GPR83: variants seen among roughly 807,000 people sequenced by gnomAD.
GPR83 encodes the protein G protein-coupled receptor 83, also known as G-protein coupled receptor 72.
A neutral mutation model predicts 28.0 loss-of-function variants in GPR83; 23 were observed. The ratio of observed to expected loss-of-function variants is 0.82; its 90% CI spans 0.59 to 1.16. The LOEUF (loss-of-function observed/expected upper bound fraction) is 1.16. Ranked by LOEUF, GPR83 falls within the 50% of genes most tolerant of loss-of-function variation. The pLI is 0.00. For synonymous variants in GPR83, 234 were observed against 215.4 expected (o/e 1.09, Z -0.76); for missense variants, 610 against 536.6 (o/e 1.14, Z -1.35).
chr11:94,384,285 C>G (rs976160986), intron 3 of GPR83, among the ~76,000 whole-genome samples: 1 of 152,168 alleles, frequency 6.6e-6, no homozygotes, highest in African/African-American at 2.4e-5. Flanking sequence ...ATTCAGCACC[C>G]TTTCATGCTA....
intron 3 of GPR83, among the ~76,000 whole-genome samples, chr11:94,389,281 A>G (rs1944790935): frequency 1.3e-5 from 2 of 152,230 alleles, no homozygotes; most frequent in South Asian, 4.1e-4. Flanking sequence ...CTTCATGTCT[A>G]AAACACCAAA....
At chr11:94,381,462 T>C (rs1017995971) in intron 3 of GPR83, among the ~76,000 whole-genome samples, 5 of 152,088 alleles carry the variant, frequency 3.3e-5, no homozygotes, top group Admixed American at 2.6e-4. Flanking sequence ...TTCATTTCAA[T>C]GTCCTAGAAT....
At chr11:94,381,795 A>T (rs1437766243) in intron 3 of GPR83, among the ~76,000 whole-genome samples, 1 of 152,172 alleles carries the variant, frequency 6.6e-6, no homozygotes, top group Admixed American at 6.5e-5. Flanking sequence ...GACCTGTAAT[A>T]AAAGACTGAG....
chr11:94,382,343 C>CAAAAAAAAAAA (rs57302833), intron 3 of GPR83, among the ~76,000 whole-genome samples: 1 of 67,302 alleles, frequency 1.5e-5, no homozygotes, highest in African/African-American at 6.3e-5. Flanking sequence ...AACACCATCT[C>CAAAAAAAAAAA]AAAAAAAAAA....
In GPR83 at chr11:94,385,720, G is replaced by C. The variant is rs186131412; in HGVS notation, c.648-4947C>G. 8.3e-4 allele frequency among the ~76,000 whole-genome samples: 127 copies of C among 152,346 alleles called. 2 individuals are homozygous for C. The highest frequency in any genetic ancestry group is 2.8e-3 in the African/African-American group (117 of 41,592). On this transcript the variant is annotated intron_variant, in intron 3 of 3. Transcript: ENST00000243673. ...ATGCGAAAAGACCAAATCTATGTCT[G>C]ATTGGTGTATCTGAAAGTGACGGGG...
chr11:94,388,470 CAA>C (rs1944781915), intron 3 of GPR83, among the ~76,000 whole-genome samples: 1 of 152,104 alleles, frequency 6.6e-6, no homozygotes, highest in African/African-American at 2.4e-5. Flanking sequence ...GCAACTTCAG[CAA>C]AGTCTCAGGA....
At chr11:94,400,485 CAA>C (rs1944901064) in intron 1 of GPR83, among the ~76,000 whole-genome samples, 1 of 120,828 alleles carries the variant, frequency 8.3e-6, no homozygotes, top group African/African-American at 3.3e-5. Context: ...GAGAGACTGA[CAA>C]GAAGAAAAAG....
intron 3 of GPR83, among the ~76,000 whole-genome samples, chr11:94,381,581 G>GCA (rs1944689690): frequency 9.4e-6 from 1 of 106,540 alleles, no homozygotes; most frequent in Admixed American, 9.9e-5. Flanking sequence ...GTGTGTGTGC[G>GCA]CGCGTGCTGC....
Position 94,400,896 on chromosome 11 carries a change from T to C in GPR83, c.352A>G (p.Ile118Val), listed in dbSNP as rs747704998. 2.5e-6 allele frequency: 4 copies of C among 1,614,046 alleles called. No individual in the cohort carries two copies. Among genetic ancestry groups the C allele is most frequent in the South Asian group, 1.1e-5 (1 of 91,084 alleles). ...GGGGTGTTGAGCAGCGTGATCATTA[T>C]GTCGGCAACTGCCAGGTTGACGATG... ...LFIVNLAVAD[I>V]MITLLNTPFT... Residue 118 changes from isoleucine (I) to valine (V), a missense_variant, in exon 1 of 4, where the codon ATA becomes GTA. Transcript: ENST00000243673.
Position 94,378,060 on chromosome 11 carries a change from G to A in GPR83, c.*2089C>T, listed in dbSNP as rs1186102599. 1 of 152,110 alleles carries A rather than the reference G, an allele frequency of 6.6e-6. No individual in the cohort carries two copies. The highest frequency in any genetic ancestry group is 1.5e-5 in the Non-Finnish European group (1 of 68,018). 9.4% of individuals were successfully genotyped at this position (152,110 alleles called of 1,614,324 possible). A position where few individuals can be genotyped will look rare whatever the true frequency, so the allele number is the denominator to read the frequency against. On this transcript the variant is annotated 3_prime_UTR_variant, in exon 4 of 4. Transcript: ENST00000243673. ...TCTTGACACACCACAGAGACAATAA[G>A]TACAGGCACATGAGCCATTTGTCCT...
At chr11:94,386,833 G>T (rs1944762098) in intron 3 of GPR83, among the ~76,000 whole-genome samples, 1 of 152,184 alleles carries the variant, frequency 6.6e-6, no homozygotes, top group African/African-American at 2.4e-5. Flanking sequence ...GGACCTAATA[G>T]ACATCTACAG....
In GPR83 at chr11:94,400,805, A is replaced by C. The variant is rs533229270; in HGVS notation, c.387+56T>G. ...ACGGCAGAGGGAGGCCAGAGAACTGAGAGAGGAAAGGGAGACGAAGACAGA... is the reference window on the plus strand; with the variant it reads ...ACGGCAGAGGGAGGCCAGAGAACTGCGAGAGGAAAGGGAGACGAAGACAGA... On this transcript the variant is annotated intron_variant, in intron 1 of 3. Coordinates refer to ENST00000243673, the MANE Select transcript of GPR83 (RefSeq NM_016540.4). 2 of 1,554,748 alleles carry C rather than the reference A, an allele frequency of 1.3e-6. 1 individual carries two copies. Among genetic ancestry groups the C allele is most frequent in the South Asian group, 2.4e-5 (2 of 84,304 alleles).
chr11:94,394,857 T>C (rs1407534186), intron 2 of GPR83, among the ~76,000 whole-genome samples: 1 of 152,160 alleles, frequency 6.6e-6, no homozygotes, highest in East Asian at 1.9e-4. Flanking sequence ...TGCAGTAACA[T>C]GGTCAACATG....
intron 3 of GPR83, 67 bp downstream of exon 3, chr11:94,393,418 C>T (rs1247209778): frequency 3.3e-6 from 5 of 1,499,822 alleles, no homozygotes; most frequent in Admixed American, 1.7e-5. Flanking sequence ...CCTCAGGTAT[C>T]CCTTGGTGGA....
Position 94,401,225 on chromosome 11 carries a change from A to G in GPR83, c.23T>C (p.Leu8Pro). The G allele has an allele frequency of 1.2e-6, 2 of 1,610,760 alleles. No homozygotes were observed. Among genetic ancestry groups the G allele is most frequent in the Non-Finnish European group, 1.7e-6 (2 of 1,178,868 alleles). Residue 8 changes from leucine to proline, a missense_variant, in exon 1 of 4, where the codon CTC (leucine) becomes CCC (proline). By Grantham distance (98) the Leu-to-Pro change is moderately conservative. Coordinates refer to ENST00000243673, the MANE Select transcript of GPR83 (RefSeq NM_016540.4). MVPHLLL[L>P]CLLPLVRATE... is the part of the protein sequence containing the mutation. ...GGCTCGCACCAAGGGGAGGAGACAG[A>G]GCAGCAAGAGGTGAGGGACCATTTT...
At chr11:94,392,090 T>TA (rs760543403) in intron 3 of GPR83, among the ~76,000 whole-genome samples, 2 of 152,070 alleles carry the variant, frequency 1.3e-5, no homozygotes, top group Non-Finnish European at 2.9e-5. Flanking sequence ...CCATCAATGA[T>TA]AGACTGGATA....
chr11:94,384,313 G>A (rs926515384), intron 3 of GPR83, among the ~76,000 whole-genome samples: 1 of 152,242 alleles, frequency 6.6e-6, no homozygotes, highest in East Asian at 1.9e-4. Context: ...TCAATAAACT[G>A]GGTATCGATG....
chr11:94,400,431 GGGAGAGGAGA>G (rs35556766), intron 1 of GPR83, among the ~76,000 whole-genome samples: 4 of 145,788 alleles, frequency 2.7e-5, no homozygotes. Context: ...AGGAGAGGTG[GGGAGAGGAGA>G]GGAGAGGAGA....
rs187093093 is a variant in GPR83, at chr11:94,385,140, G to A, written c.648-4367C>T. ...CAACAGACCTGAAGCTGAGGGTCCC[G>A]ACTGTTAGAAGGAAAACTAACAAAC... On this transcript the variant is annotated intron_variant, in intron 3 of 3. Transcript: ENST00000243673. 2.6e-3 allele frequency among the ~76,000 whole-genome samples: 391 copies of A among 152,260 alleles called. 4 individuals are homozygous for A. The highest frequency in any genetic ancestry group is 8.7e-3 in the African/African-American group (360 of 41,546).
Sources: allele counts gnomAD v4.1 joint callset (sites outside exome capture counted in the v4.1 genomes callset), GRCh38; gene constraint gnomAD v4.1.1; transcripts MANE v1.5; gene names NCBI Gene and HGNC (gene_info 2026-07-23, HGNC 2026-07-21).